Variants in FAT1 observed in about 807,000 individuals in gnomAD.
The protein encoded by FAT1 is protocadherin Fat 1.
Under a neutral mutation model 329.8 loss-of-function variants are expected in FAT1, and 171 were observed. That is an observed-to-expected ratio of 0.52 (90% confidence interval 0.46 to 0.59). The LOEUF (loss-of-function observed/expected upper bound fraction) is 0.59. FAT1 is among the 20% of genes least tolerant of loss of function. The pLI is 0.00. For missense variants in FAT1, 5,672 were observed against 5,774.4 expected (o/e 0.98, Z 0.57); for synonymous variants, 2,233 against 2,228.6 (o/e 1.00, Z -0.06).
At chr4:186,643,165 A>G (rs1449283846) in intron 3 of FAT1, among the ~76,000 whole-genome samples, 1 of 152,132 alleles carries the variant, frequency 6.6e-6, no homozygotes, top group Non-Finnish European at 1.5e-5. Context: ...TTTCCAGGGT[A>G]CGGCAGCCCC....
intron 2 of FAT1, among the ~76,000 whole-genome samples, chr4:186,685,321 A>G (rs558575805): frequency 1.3e-5 from 2 of 152,388 alleles, no homozygotes; most frequent in Non-Finnish European, 2.9e-5. Context: ...GGAACCGTAG[A>G]GAACGTTAAA....
intron 7 of FAT1, 74 bp from the exon 8 acceptor site, chr4:186,628,837 G>GA (rs1236813570): frequency 6.3e-6 from 9 of 1,418,028 alleles, no homozygotes; most frequent in South Asian, 2.8e-5. Context: ...AACCATGAAC[G>GA]AAAGTCATGT....
In FAT1 at chr4:186,635,345, A is replaced by G. The variant is rs1041475667; in HGVS notation, c.4183+680T>C. Among the ~76,000 whole-genome samples the G allele has an allele frequency of 2.0e-5, 3 of 152,254 alleles. No homozygotes were observed. In the East Asian group the frequency reaches 5.8e-4, roughly 29 times the overall value. On this transcript the variant is annotated intron_variant, in intron 6 of 26. Coordinates refer to ENST00000441802, the MANE Select transcript of FAT1 (RefSeq NM_005245.4). ...TCTAAGATGCAAACTCTAATGTGAA[A>G]TTTAAAAAATACGTTGAATAGGGTA...
rs183728932 is a variant in FAT1, at chr4:186,588,870, C to T, written c.13489G>A (p.Asp4497Asn). Residue 4497 changes from aspartate (D) to asparagine (N), a missense_variant, in exon 27 of 27, where the codon GAT (aspartate) becomes AAT (asparagine). Physicochemically the swap from Asp to Asn is conservative, Grantham distance 23. Around this residue, in one of 2 missense-constraint regions of FAT1, gnomAD observed 1,706 missense variants for 1,859.1 expected, o/e 0.92. Coordinates refer to ENST00000441802, the MANE Select transcript of FAT1 (RefSeq NM_005245.4). Reference protein sequence around the residue: ...NQYLPNFYPLDMSEPQTKGTG... With the variant: ...NQYLPNFYPLNMSEPQTKGTG... Reference sequence around the variant, plus strand: ...CCTTTTGTTTGAGGTTCAGACATATCGAGGGGATAAAAATTGGGCAAATAC... The same window carrying T: ...CCTTTTGTTTGAGGTTCAGACATATTGAGGGGATAAAAATTGGGCAAATAC... The T allele has an allele frequency of 2.8e-5, 45 of 1,613,896 alleles. No individual in the cohort carries two copies. Among genetic ancestry groups the T allele is most frequent in the East Asian group, 1.1e-4 (5 of 44,876 alleles).
Position 186,618,209 on chromosome 4 carries a change from C to A in FAT1, c.8377G>T (p.Val2793Leu), listed in dbSNP as rs1560938584. ...TCTTTCACTTGGATACTAACATCTA[C>A]AGAAGCCACCATCTCATGGTCATCT... is the stretch of plus-strand genomic sequence containing the variant. ...TQDDHEMVAS[V>L]DVSIQVKDAN... The change falls in exon 10 of 27, where the codon GTA becomes TTA. Residue 2793 changes from valine (V) to leucine (L), a missense_variant. Transcript: ENST00000441802. 1.9e-6 allele frequency: 3 copies of A among 1,614,016 alleles called. No homozygotes were observed. The South Asian group carries it at 3.3e-5, about 18-fold the overall frequency.
chr4:186,718,331 C>T (rs549648189), intron 1 of FAT1, among the ~76,000 whole-genome samples: 5 of 152,210 alleles, frequency 3.3e-5, no homozygotes, highest in Admixed American at 3.3e-4. Context: ...CTCCTGACAC[C>T]TTGTGCAGAA....
In FAT1 at chr4:186,709,005, T is replaced by C. The variant is rs752754028; in HGVS notation, c.823A>G (p.Ile275Val). The C allele has an allele frequency of 5.0e-6, 8 of 1,613,900 alleles. No individual in the cohort carries two copies. The highest frequency in any genetic ancestry group is 3.3e-5 in the South Asian group (3 of 91,086). Residue 275 changes from isoleucine (I) to valine (V), a missense_variant, in exon 2 of 27, where the codon ATT (isoleucine) becomes GTT (valine). Ile to Val is a conservative substitution (Grantham distance 29, BLOSUM62 3). Coordinates refer to ENST00000441802, the MANE Select transcript of FAT1 (RefSeq NM_005245.4). ...SELDRDPAYAIVTVDDCDQGA... is the reference protein window; with the variant it reads ...SELDRDPAYAVVTVDDCDQGA... ...TGATCGCAGTCATCCACTGTCACAA[T>C]TGCATATGCTGGGTCCCTGTCCAGT...
At chr4:186,659,539 C>G (rs187255028) in intron 3 of FAT1, among the ~76,000 whole-genome samples, 2 of 152,220 alleles carry the variant, frequency 1.3e-5, no homozygotes, top group African/African-American at 4.8e-5. Flanking sequence ...ACCGTAACAC[C>G]CGCAAGAGGA....
chr4:186,636,410 A>G (rs1740817603), intron 5 of FAT1, among the ~76,000 whole-genome samples, 175 bp from the exon 6 acceptor site: 1 of 152,228 alleles, frequency 6.6e-6, no homozygotes, highest in Non-Finnish European at 1.5e-5. Context: ...CACATTCAAC[A>G]TAAACAATAA....
chr4:186,621,424 GTGA>G lies in FAT1; in HGVS notation c.5159_5161del (p.Ile1720del). The G allele has an allele frequency of 6.2e-7, 1 of 1,614,014 alleles. No individual in the cohort carries two copies. The highest frequency in any genetic ancestry group is 8.5e-7 in the Non-Finnish European group (1 of 1,179,898). On this transcript the variant is annotated inframe_deletion, in exon 10 of 27. Transcript: ENST00000441802. ...AGTTTCAAAGTCCAGGGCTTTCTGA[GTGA>G]TGATAGTTCCAGAATGTGGATTAAT...
intron 1 of FAT1, among the ~76,000 whole-genome samples, chr4:186,720,651 T>C (rs1201979009): frequency 6.6e-6 from 1 of 152,212 alleles, no homozygotes; most frequent in Non-Finnish European, 1.5e-5. Flanking sequence ...CACTGGTCTA[T>C]AAGAGACTGT....
At chr4:186,601,639 T>A (rs1313527004) in intron 20 of FAT1, 2 of 417,730 alleles carry the variant, frequency 4.8e-6, no homozygotes, top group African/African-American at 2.0e-5. Flanking sequence ...GACGACTGCA[T>A]CACAGAGAAA....
chr4:186,638,615 G>GCACACACACA (rs35176185), intron 4 of FAT1, among the ~76,000 whole-genome samples: 18 of 139,940 alleles, frequency 1.3e-4, no homozygotes, highest in East Asian at 2.0e-4. Flanking sequence ...AGTTCCCAAT[G>GCACACACACA]CACACACACA....
At chr4:186,630,284 C>G (rs144484036) in intron 7 of FAT1, among the ~76,000 whole-genome samples, 1 of 152,098 alleles carries the variant, frequency 6.6e-6, no homozygotes, top group East Asian at 1.9e-4. Context: ...TTCTTGGGTA[C>G]ATTTTTGGTT....
At chr4:186,706,124 C>T (rs1031130689) in intron 2 of FAT1, among the ~76,000 whole-genome samples, 5 of 152,092 alleles carry the variant, frequency 3.3e-5, no homozygotes, top group African/African-American at 4.8e-5. Context: ...GTAACTTTGC[C>T]GGTGTGCAAC....
chr4:186,631,253 C>A (rs935598206), intron 7 of FAT1, among the ~76,000 whole-genome samples: 5 of 152,106 alleles, frequency 3.3e-5, no homozygotes, highest in Non-Finnish European at 5.9e-5. Context: ...CAATCCATCC[C>A]CGCAGTATCC....
At position 186,707,337 on chromosome 4, in the gene FAT1, C is replaced by T. The variant is rs564308376; in HGVS notation, c.2491G>A (p.Val831Met). The change falls in exon 2 of 27, where the codon GTG becomes ATG. Residue 831 changes from valine to methionine, a missense_variant. Around this residue, in one of 2 missense-constraint regions of FAT1, gnomAD observed 3,966 missense variants for 3,915.2 expected, o/e 1.01. Transcript: ENST00000441802. The part of the protein sequence containing the change: ...EFLQESYFVE[V>M]SEDKEVHSEI... ...CTATGTACCTCCTTGTCTTCACTCA[C>T]TTCCACAAAATAGCTCTCCTGTAAA... is the stretch of plus-strand genomic sequence containing the variant. 2 of 1,614,014 alleles carry T rather than the reference C, an allele frequency of 1.2e-6. No individual in the cohort carries two copies. The highest frequency in any genetic ancestry group is 1.3e-5 in the African/African-American group (1 of 75,062).
At chr4:186,668,322 C>T (rs1201075768) in intron 2 of FAT1, among the ~76,000 whole-genome samples, 1 of 152,124 alleles carries the variant, frequency 6.6e-6, no homozygotes, top group East Asian at 1.9e-4. Context: ...GACGAAGGTC[C>T]AGGATGGCTG....
intron 9 of FAT1, among the ~76,000 whole-genome samples, chr4:186,624,799 C>A (rs1487494786): frequency 1.3e-5 from 2 of 152,196 alleles, no homozygotes; most frequent in Non-Finnish European, 2.9e-5. Flanking sequence ...AAATGAAAGG[C>A]ATTTGTATGA....
Sources: allele counts gnomAD v4.1 joint callset (sites outside exome capture counted in the v4.1 genomes callset), GRCh38; gene constraint gnomAD v4.1.1; regional missense constraint gnomAD v4.1.1; transcripts MANE v1.5; gene names NCBI Gene and HGNC (gene_info 2026-07-23, HGNC 2026-07-21).